Variants in KDM2A observed in about 807,000 individuals in gnomAD.
The protein encoded by KDM2A is lysine-specific demethylase 2A.
KDM2A carries 3 observed loss-of-function variants against 137.3 expected under a neutral mutation model. The observed-to-expected ratio is 0.02, with a 90% confidence interval of 0.01 to 0.06. KDM2A has a LOEUF of 0.06. Among genes scored for constraint, KDM2A ranks in the 10% least tolerant of loss-of-function variants. The pLI, the probability that KDM2A is intolerant of heterozygous loss-of-function variation, is 1.00. For synonymous variants in KDM2A, 512 were observed against 541.5 expected (o/e 0.95, Z 0.76); for missense variants, 738 against 1,510.6 (o/e 0.49, Z 8.48).
chr11:67,249,155 C>T (rs1219091259), intron 16 of KDM2A, among the ~76,000 whole-genome samples: 2 of 152,190 alleles, frequency 1.3e-5, no homozygotes, highest in Non-Finnish European at 2.9e-5. Flanking sequence ...TCTTTGAGGG[C>T]AAGGATTTTT....
intron 15 of KDM2A, among the ~76,000 whole-genome samples, chr11:67,247,309 C>T (rs1859280168): frequency 6.7e-6 from 1 of 148,564 alleles, no homozygotes; most frequent in South Asian, 2.1e-4. Flanking sequence ...AGGCCGGTCT[C>T]GAACTCCTAA....
chr11:67,131,048 GTGCAGTGGCTC>G (rs1417089261), intron 2 of KDM2A, among the ~76,000 whole-genome samples: 1 of 152,092 alleles, frequency 6.6e-6, no homozygotes, highest in Non-Finnish European at 1.5e-5. Flanking sequence ...AACAGGCCGG[GTGCAGTGGCTC>G]ACGCCTGTAA....
intron 17 of KDM2A, among the ~76,000 whole-genome samples, chr11:67,252,171 C>T (rs2095369015): frequency 1.3e-5 from 2 of 152,158 alleles, no homozygotes; most frequent in Non-Finnish European, 2.9e-5. Context: ...TGATAAAGAG[C>T]CTCTTTTGAC....
chr11:67,250,241 T>G lies in KDM2A; in HGVS notation c.2211T>G (p.Thr737=). ...CGGTTTCCCCCCGGGGTATGGTGAC[T>G]CGGTCATCCCCTGGGGCTGGCCCCA... ...HDPVSPRGMV[T]RSSPGAGPSD... is the part of the protein sequence containing the mutation. The change falls in exon 17 of 21, where the codon ACT becomes ACG. Residue 737 remains threonine (T), a synonymous_variant. Transcript: ENST00000529006. This position sits in a 1 kb window ranked among gnomAD's most constrained non-coding sequence, Gnocchi z 7.1. 1 of 1,613,824 alleles carries G rather than the reference T, an allele frequency of 6.2e-7. No homozygotes were observed. The highest frequency in any genetic ancestry group is 8.5e-7 in the Non-Finnish European group (1 of 1,179,840).
chr11:67,137,047 G>C (rs1039819029), intron 2 of KDM2A, among the ~76,000 whole-genome samples: 1 of 152,164 alleles, frequency 6.6e-6, no homozygotes, highest in Non-Finnish European at 1.5e-5. Flanking sequence ...GACCTAAAGG[G>C]TGACTAGGAG....
intron 2 of KDM2A, among the ~76,000 whole-genome samples, chr11:67,123,614 G>A (rs1855649317): frequency 6.6e-6 from 1 of 151,586 alleles, no homozygotes; most frequent in African/African-American, 2.4e-5. Flanking sequence ...TGTTAGTTAG[G>A]TATCTAAGGA....
intron 5 of KDM2A, chr11:67,197,090 C>T (rs1857501485): frequency 6.6e-6 from 1 of 152,266 alleles, no homozygotes; most frequent in African/African-American, 2.4e-5. Context: ...TCTAAATAAA[C>T]CCAAGGGTGA....
At chr11:67,185,699 A>G (rs1025979008) in intron 5 of KDM2A, among the ~76,000 whole-genome samples, 2 of 151,998 alleles carry the variant, frequency 1.3e-5, no homozygotes, top group African/African-American at 2.4e-5. Flanking sequence ...CCATTGTGAC[A>G]GTATTAAGCA....
chr11:67,200,046 A>G (rs1385658100), intron 5 of KDM2A, among the ~76,000 whole-genome samples: 1 of 152,228 alleles, frequency 6.6e-6, no homozygotes, highest in African/African-American at 2.4e-5. Flanking sequence ...AACAAAGCCT[A>G]GATGATATCA....
chr11:67,163,367 G>T (rs1306094792), intron 2 of KDM2A, among the ~76,000 whole-genome samples: 2 of 152,186 alleles, frequency 1.3e-5, no homozygotes, highest in African/African-American at 2.4e-5. Flanking sequence ...GATATGAAGA[G>T]ATTTAGAGAT....
intron 12 of KDM2A, among the ~76,000 whole-genome samples, chr11:67,236,558 TTAA>T (rs1431568194): frequency 6.6e-6 from 1 of 152,230 alleles, no homozygotes; most frequent in Admixed American, 6.5e-5. Flanking sequence ...CCCAGCTCAC[TTAA>T]TAAAGCAAAT....
At chr11:67,131,007 A>T (rs1256885667) in intron 2 of KDM2A, among the ~76,000 whole-genome samples, 1 of 152,068 alleles carries the variant, frequency 6.6e-6, no homozygotes, top group African/African-American at 2.4e-5. Flanking sequence ...CTCTCATACC[A>T]TCCAACGTCT....
chr11:67,237,583 C>T (rs959136055), intron 12 of KDM2A, among the ~76,000 whole-genome samples: 1 of 152,044 alleles, frequency 6.6e-6, no homozygotes, highest in African/African-American at 2.4e-5. Context: ...AGGCATGAGC[C>T]ACCTTACCCA....
intron 2 of KDM2A, among the ~76,000 whole-genome samples, chr11:67,157,525 A>T (rs1257312199): frequency 6.6e-6 from 1 of 151,560 alleles, no homozygotes; most frequent in Non-Finnish European, 1.5e-5. Context: ...GGGGCGGATC[A>T]CCTGAGGTCA....
At chr11:67,152,687 C>T (rs978689302) in intron 2 of KDM2A, among the ~76,000 whole-genome samples, 1 of 151,926 alleles carries the variant, frequency 6.6e-6, no homozygotes, top group African/African-American at 2.4e-5. Flanking sequence ...TTCTTTTGAG[C>T]TCCACTGGCC....
chr11:67,200,272 G>A (rs1857584992), intron 5 of KDM2A, among the ~76,000 whole-genome samples: 1 of 151,712 alleles, frequency 6.6e-6, no homozygotes, highest in African/African-American at 2.4e-5. Flanking sequence ...CTGGAGTGCA[G>A]TGGCACGATC....
chr11:67,179,258 G>T (rs945180895), intron 2 of KDM2A, among the ~76,000 whole-genome samples: 2 of 151,870 alleles, frequency 1.3e-5, no homozygotes, highest in African/African-American at 4.8e-5. Flanking sequence ...TGGAATGCTG[G>T]GTTTTTTTTG....
At chr11:67,200,278 C>T (rs572667829) in intron 5 of KDM2A, among the ~76,000 whole-genome samples, 1 of 151,818 alleles carries the variant, frequency 6.6e-6, no homozygotes, top group Non-Finnish European at 1.5e-5. Context: ...TGCAGTGGCA[C>T]GATCTCAGCT....
chr11:67,191,264 A>G (rs1224823866), intron 5 of KDM2A, among the ~76,000 whole-genome samples: 1 of 152,044 alleles, frequency 6.6e-6, no homozygotes, highest in Non-Finnish European at 1.5e-5. Flanking sequence ...TGACCTCGTG[A>G]TCTGCTCGCC....
Sources: allele counts gnomAD v4.1 joint callset (sites outside exome capture counted in the v4.1 genomes callset), GRCh38; gene constraint gnomAD v4.1.1; non-coding constraint Gnocchi (gnomAD v3.1); transcripts MANE v1.5; gene names NCBI Gene and HGNC (gene_info 2026-07-23, HGNC 2026-07-21).